The following NOVA1 variants were observed in gnomAD, a reference collection of about 807,000 sequenced individuals.
The protein encoded by NOVA1 is NOVA alternative splicing regulator 1.
Under a neutral mutation model 38.0 loss-of-function variants are expected in NOVA1, and 7 were observed. That is an observed-to-expected ratio of 0.18 (90% confidence interval 0.10 to 0.35). The LOEUF (loss-of-function observed/expected upper bound fraction) is 0.35, where lower values mean the gene tolerates loss of function less well. Among genes scored for constraint, NOVA1 ranks in the 10% least tolerant of loss-of-function variants. The pLI is 1.00. For synonymous variants in NOVA1, 270 were observed against 232.5 expected (o/e 1.16, Z -1.47); for missense variants, 460 against 616.0 (o/e 0.75, Z 2.68).
At chr14:26,498,740 A>G (rs1359321724) in intron 2 of NOVA1, among the ~76,000 whole-genome samples, 3 of 152,192 alleles carry the variant, frequency 2.0e-5, no homozygotes, top group Non-Finnish European at 2.9e-5. Context: ...GAGACCTACA[A>G]AAGTGTACTG....
chr14:26,501,736 C>T (rs1887257334), intron 2 of NOVA1, among the ~76,000 whole-genome samples: 1 of 151,734 alleles, frequency 6.6e-6, no homozygotes, highest in Non-Finnish European at 1.5e-5. Context: ...ATATTTGGTA[C>T]AAAAGATTTT....
At chr14:26,513,246 TTAATTCTG>T (rs1384550286) in intron 2 of NOVA1, among the ~76,000 whole-genome samples, 2 of 151,964 alleles carry the variant, frequency 1.3e-5, no homozygotes, top group Non-Finnish European at 2.9e-5. Flanking sequence ...TAGGCTCAAA[TTAATTCTG>T]TAAGCTTGAA....
chr14:26,482,332 C>T (rs1885537870), intron 2 of NOVA1, among the ~76,000 whole-genome samples: 1 of 152,192 alleles, frequency 6.6e-6, no homozygotes, highest in African/African-American at 2.4e-5. Context: ...CTATATCTAC[C>T]ACTCAGAAAT....
At chr14:26,542,650 T>C (rs1235629713) in intron 2 of NOVA1, among the ~76,000 whole-genome samples, 1 of 151,402 alleles carries the variant, frequency 6.6e-6, no homozygotes, top group Non-Finnish European at 1.5e-5. Flanking sequence ...CAATAACTTG[T>C]CTTTCATCAT....
intron 2 of NOVA1, among the ~76,000 whole-genome samples, chr14:26,490,842 G>GTTTTTTTTT (rs71121880): frequency 1.4e-5 from 1 of 70,810 alleles, no homozygotes; most frequent in African/African-American, 5.0e-5. Context: ...CATCTGGCTA[G>GTTTTTTTTT]TTTTTTTTTT....
At chr14:26,574,548 A>G (rs1892712451) in intron 2 of NOVA1, among the ~76,000 whole-genome samples, 1 of 152,084 alleles carries the variant, frequency 6.6e-6, no homozygotes, top group Admixed American at 6.6e-5. Context: ...TTATTAACAA[A>G]TAGCTTTAGG....
chr14:26,485,487 T>C lies in NOVA1; in HGVS notation c.281-5344A>G, dbSNP rs536462749. Among the ~76,000 whole-genome samples the C allele has an allele frequency of 1.2e-3, 187 of 152,290 alleles. 1 individual carries two copies. The highest frequency in any genetic ancestry group is 6.8e-3 in the Middle Eastern group (2 of 294). ...GATAATTTAACAATTTTTTTCTTTT[T>C]CCTAGGGTAGAAAAAAATAGACAAA... On this transcript the variant is annotated intron_variant, in intron 2 of 4. Transcript: ENST00000539517.
At chr14:26,556,136 C>T (rs1423830815) in intron 2 of NOVA1, among the ~76,000 whole-genome samples, 1 of 152,028 alleles carries the variant, frequency 6.6e-6, no homozygotes. Context: ...AGTTATTTGG[C>T]AGATATCAAT....
chr14:26,468,622 G>C (rs1038229875), intron 4 of NOVA1, among the ~76,000 whole-genome samples: 1 of 152,196 alleles, frequency 6.6e-6, no homozygotes, highest in Non-Finnish European at 1.5e-5. Flanking sequence ...TAGAGAATAA[G>C]AGAATAAGAA....
intron 2 of NOVA1, among the ~76,000 whole-genome samples, chr14:26,530,832 T>C (rs1161697897): frequency 1.3e-5 from 2 of 152,160 alleles, no homozygotes; most frequent in Non-Finnish European, 2.9e-5. Flanking sequence ...ACCTATTTCA[T>C]CTAAATATCA....
In NOVA1 at chr14:26,525,404, A is replaced by G. The variant is rs192822480; in HGVS notation, c.281-45261T>C. Reference sequence around the variant, plus strand: ...CCTTATGTTAAGACACAAATGTTCTATTGCAGTATTTACAATGAGGAAAAA... The same window carrying G: ...CCTTATGTTAAGACACAAATGTTCTGTTGCAGTATTTACAATGAGGAAAAA... On this transcript the variant is annotated intron_variant, in intron 2 of 4. Transcript: ENST00000539517. 5.3e-5 allele frequency among the ~76,000 whole-genome samples: 8 copies of G among 152,254 alleles called. No individual in the cohort carries two copies. The East Asian group carries it at 1.5e-3, about 29-fold the overall frequency.
intron 1 of NOVA1, chr14:26,595,977 TAAATAG>T (rs1894161013): frequency 2.7e-6 from 1 of 368,080 alleles, no homozygotes; most frequent in Non-Finnish European, 5.2e-6. Context: ...CCCAGGACTG[TAAATAG>T]TGATGAGCTA....
At chr14:26,499,046 G>C (rs1433654086) in intron 2 of NOVA1, among the ~76,000 whole-genome samples, 2 of 152,144 alleles carry the variant, frequency 1.3e-5, no homozygotes, top group Admixed American at 6.5e-5. Flanking sequence ...CAGGGTGGGA[G>C]TACATGAGGG....
chr14:26,577,505 T>C (rs1892933339), intron 2 of NOVA1, among the ~76,000 whole-genome samples: 1 of 152,148 alleles, frequency 6.6e-6, no homozygotes, highest in Admixed American at 6.5e-5. Context: ...ATCTTTATGT[T>C]AATTCTTTAC....
At chr14:26,596,907 A>C (rs1894226251) in intron 1 of NOVA1, 1 of 1,178,972 alleles carries the variant, frequency 8.5e-7, no homozygotes, top group Admixed American at 3.8e-5. Flanking sequence ...ATTTTATCAG[A>C]CTGTTAAACG....
chr14:26,501,276 A>G (rs1275092217), intron 2 of NOVA1, among the ~76,000 whole-genome samples: 1 of 151,984 alleles, frequency 6.6e-6, no homozygotes, highest in Non-Finnish European at 1.5e-5. Context: ...TGCTAAGATA[A>G]TATCATTCTT....
At chr14:26,461,547 A>C (rs1883672155) in intron 4 of NOVA1, among the ~76,000 whole-genome samples, 1 of 152,090 alleles carries the variant, frequency 6.6e-6, no homozygotes, top group African/African-American at 2.4e-5. Context: ...CAAACTCAGA[A>C]GTCTGCAATG....
chr14:26,509,251 A>G (rs1887873396), intron 2 of NOVA1, among the ~76,000 whole-genome samples: 1 of 152,168 alleles, frequency 6.6e-6, no homozygotes. Flanking sequence ...TAGACAATGA[A>G]AGAAATGTTT....
intron 2 of NOVA1, among the ~76,000 whole-genome samples, chr14:26,576,118 T>A (rs1892823561): frequency 6.6e-6 from 1 of 151,810 alleles, no homozygotes; most frequent in African/African-American, 2.4e-5. Flanking sequence ...AGCACAATAT[T>A]CTAAATGGTT....
Sources: gnomAD v4.1 joint callset for allele counts (sites outside exome capture counted in the v4.1 genomes callset) on GRCh38, gnomAD v4.1.1 for gene constraint, MANE v1.5 for transcripts, NCBI Gene and HGNC (gene_info 2026-07-23, HGNC 2026-07-21) for gene names.